The following KCNQ2 variants were observed in gnomAD, a reference collection of about 807,000 sequenced individuals.
KCNQ2 encodes the protein potassium voltage-gated channel subfamily Q member 2.
In KCNQ2, 14 loss-of-function variants were observed where a neutral mutation model predicts 84.8. The ratio of observed to expected loss-of-function variants is 0.17; its 90% CI spans 0.11 to 0.26. The LOEUF is 0.26. Ranked by LOEUF, KCNQ2 falls within the 10% of genes least tolerant of loss-of-function variation. KCNQ2 has a pLI of 1.00. For synonymous variants in KCNQ2, 599 were observed against 554.1 expected (o/e 1.08, Z -1.14); for missense variants, 788 against 1,254.0 (o/e 0.63, Z 5.61).
chr20:63,431,193 G>T (rs2080775875), intron 9 of KCNQ2, 147 bp downstream of exon 9: 2 of 945,340 alleles, frequency 2.1e-6, no homozygotes, highest in Non-Finnish European at 3.4e-6. Flanking sequence ...GCAGGGCAGG[G>T]GGCATAGGGA....
intron 1 of KCNQ2, among the ~76,000 whole-genome samples, chr20:63,453,276 G>A (rs994391040): frequency 1.3e-5 from 2 of 152,264 alleles, no homozygotes; most frequent in Non-Finnish European, 2.9e-5. Context: ...CCGCCCACGT[G>A]TGCGACCCAG....
intron 4 of KCNQ2, among the ~76,000 whole-genome samples, chr20:63,443,093 CCACCAT>C (rs759780444): frequency 0.022 from 598 of 27,070 alleles, 9 homozygotes; most frequent in African/African-American, 0.038. Context: ...ACCATTATCA[CCACCAT>C]CACCATCACC....
At chr20:63,436,549 GCCACAGCC>G (rs2081014626) in intron 7 of KCNQ2, among the ~76,000 whole-genome samples, 2 of 150,400 alleles carry the variant, frequency 1.3e-5, no homozygotes, top group Admixed American at 6.6e-5. Context: ...AAAAAAAATC[GCCACAGCC>G]CCAGCCTTCA....
At chr20:63,434,063 C>T in intron 7 of KCNQ2, 160 bp from the exon 8 acceptor site, 1 of 616,504 alleles carries the variant, frequency 1.6e-6, no homozygotes. Flanking sequence ...CTGCATCAGC[C>T]CCACAGCCTC....
chr20:63,447,098 G>A (rs948855517), intron 1 of KCNQ2, among the ~76,000 whole-genome samples: 3 of 150,684 alleles, frequency 2.0e-5, no homozygotes, highest in African/African-American at 4.9e-5. Flanking sequence ...CCTCCAGGAC[G>A]CACCCCCCTC....
At chr20:63,454,905 G>A (rs539497281) in intron 1 of KCNQ2, among the ~76,000 whole-genome samples, 2 of 152,346 alleles carry the variant, frequency 1.3e-5, no homozygotes, top group Non-Finnish European at 2.9e-5. Flanking sequence ...TCGGGACGGG[G>A]CCATCACCAC....
intron 1 of KCNQ2, among the ~76,000 whole-genome samples, chr20:63,452,412 G>A (rs2081640059): frequency 6.6e-6 from 1 of 152,234 alleles, no homozygotes; most frequent in African/African-American, 2.4e-5. Flanking sequence ...TTGCTCTCAA[G>A]GCCTCAGCTG....
intron 11 of KCNQ2, 34 bp from the exon 12 acceptor site, chr20:63,419,706 G>A (rs749973326): frequency 1.5e-5 from 23 of 1,580,758 alleles, no homozygotes; most frequent in Admixed American, 1.8e-5. Flanking sequence ...AGTCCTGGGC[G>A]CCGGCAACAG....
chr20:63,466,459 G>A (rs566946162), intron 1 of KCNQ2: 4 of 152,416 alleles, frequency 2.6e-5, no homozygotes, highest in East Asian at 1.9e-4. Context: ...CGGCCGGAGG[G>A]GCAGAGCGAC....
intron 1 of KCNQ2, among the ~76,000 whole-genome samples, chr20:63,448,752 A>G (rs2081512310): frequency 6.6e-6 from 1 of 152,176 alleles, no homozygotes; most frequent in Admixed American, 6.5e-5. Flanking sequence ...AGGCACGGGC[A>G]TCCTGGGGGA....
intron 7 of KCNQ2, chr20:63,434,247 T>G: frequency 1.6e-5 from 5 of 308,466 alleles, no homozygotes; most frequent in East Asian, 6.0e-5. Context: ...TCCTGGGGGT[T>G]ACCTTCCTGA....
In KCNQ2 at chr20:63,401,623, C is replaced by T. The variant is rs1380423580; in HGVS notation, c.*5021G>A. The T allele has an allele frequency of 1.3e-5, 2 of 153,938 alleles. No homozygotes were observed. The highest frequency in any genetic ancestry group is 2.9e-5 in the Non-Finnish European group (2 of 69,170). 9.5% of individuals were successfully genotyped at this position (153,938 alleles called of 1,614,324 possible). The stretch of plus-strand genomic sequence containing the variant: ...CAGCCCCTAAAGGCCCTGACCAGGC[C>T]TCTTCACGCCACCCCCATGCCCTGG... On this transcript the variant is annotated 3_prime_UTR_variant, in exon 17 of 17. Transcript: ENST00000359125.
Position 63,403,808 on chromosome 20 carries a change from C to T in KCNQ2, c.*2836G>A, listed in dbSNP as rs1167397870. The stretch of plus-strand genomic sequence containing the variant: ...ACGTAGGGATGTGCACTCTAACAAA[C>T]ACTGCGGGAGCTCTTTGCCATGAGG... On this transcript the variant is annotated 3_prime_UTR_variant, in exon 17 of 17. Coordinates refer to ENST00000359125, the MANE Select transcript of KCNQ2 (RefSeq NM_172107.4). 1 of 152,286 alleles carries T rather than the reference C, an allele frequency of 6.6e-6. No homozygotes were observed. Among genetic ancestry groups the T allele is most frequent in the African/African-American group, 2.4e-5 (1 of 41,454 alleles). The allele number at this position is 152,286 out of a possible 1,614,324, so 9.4% of individuals were successfully genotyped here. A position where few individuals can be genotyped will look rare whatever the true frequency, so the allele number is the denominator to read the frequency against.
chr20:63,441,512 A>G (rs1185212893), intron 5 of KCNQ2, among the ~76,000 whole-genome samples: 1 of 152,128 alleles, frequency 6.6e-6, no homozygotes, highest in Non-Finnish European at 1.5e-5. Flanking sequence ...AAAACACCCA[A>G]TCGTAAAGAT....
At position 63,436,523 on chromosome 20, in the gene KCNQ2, TCC is replaced by T. The variant is rs1349847546; in HGVS notation, c.1023+2100_1023+2101del. Among the ~76,000 whole-genome samples, 3 of 143,836 alleles carry T rather than the reference TCC, an allele frequency of 2.1e-5. No homozygotes were observed. The East Asian group carries it at 6.2e-4, about 30-fold the overall frequency. The allele number at this position is 143,836 out of a possible 152,430, so 94.4% of individuals were successfully genotyped here. On this transcript the variant is annotated intron_variant, in intron 7 of 16. Coordinates refer to ENST00000359125, the MANE Select transcript of KCNQ2 (RefSeq NM_172107.4). ...TCCAGCCTGGGCAACAGAGCGAGAC[TCC>T]GTCTCAAAAAAAAAAAAAAAATCGC...
rs576017949 is a variant in KCNQ2 at position 63,414,865 on chromosome 20, G to A, written c.1525+38C>T. The A allele has an allele frequency of 1.1e-5, 18 of 1,584,264 alleles. No individual in the cohort carries two copies. The highest frequency in any genetic ancestry group is 2.0e-4 in the Middle Eastern group (1 of 4,920). On this transcript the variant is annotated intron_variant, in intron 13 of 16. Coordinates refer to ENST00000359125, the MANE Select transcript of KCNQ2 (RefSeq NM_172107.4). The surrounding 1 kb of genome is among the most constrained non-coding windows in gnomAD (Gnocchi z 6.6). ...TAGCGTGGCCACCACATCCATCCCC[G>A]GAGAGGATGGACCAGGAGAGGATGC...
chr20:63,442,812 C>T (rs1472391134), intron 4 of KCNQ2, among the ~76,000 whole-genome samples: 3 of 80,838 alleles, frequency 3.7e-5, no homozygotes, highest in African/African-American at 9.2e-5. Flanking sequence ...ACCATTACCA[C>T]CACCATCACC....
intron 1 of KCNQ2, among the ~76,000 whole-genome samples, chr20:63,455,813 G>T (rs1235061023): frequency 2.9e-4 from 40 of 136,238 alleles, no homozygotes; most frequent in Non-Finnish European, 1.8e-4. Context: ...CCCCACCTCC[G>T]GGAGGCCCCT....
At chr20:63,450,968 T>C (rs890657873) in intron 1 of KCNQ2, among the ~76,000 whole-genome samples, 10 of 151,584 alleles carry the variant, frequency 6.6e-5, no homozygotes, top group Non-Finnish European at 1.0e-4. Context: ...TGAAACTCTG[T>C]CTCTACTAAA....
Sources: gnomAD v4.1 joint callset for allele counts (sites outside exome capture counted in the v4.1 genomes callset) on GRCh38, gnomAD v4.1.1 for gene constraint, Gnocchi (gnomAD v3.1) non-coding constraint, MANE v1.5 for transcripts, NCBI Gene and HGNC (gene_info 2026-07-23, HGNC 2026-07-21) for gene names.